The following ASAP2 variants were observed in gnomAD, a reference collection of about 807,000 sequenced individuals.
The protein encoded by ASAP2 is arf-GAP with SH3 domain, ANK repeat and PH domain-containing protein 2.
In ASAP2, 45 loss-of-function variants were observed where a neutral mutation model predicts 131.4. That is an observed-to-expected ratio of 0.34 (90% confidence interval 0.27 to 0.44). The LOEUF is 0.44. ASAP2 is among the 20% of genes least tolerant of loss of function. The pLI is 1.00. For synonymous variants in ASAP2, 510 were observed against 503.0 expected (o/e 1.01, Z -0.19); for missense variants, 1,011 against 1,297.0 (o/e 0.78, Z 3.39).
At chr2:9,271,579 C>G (rs1413237401) in intron 1 of ASAP2, 1 of 1,511,424 alleles carries the variant, frequency 6.6e-7, no homozygotes, top group Non-Finnish European at 9.1e-7. Flanking sequence ...ATCACCCTTA[C>G]TTGCATCAGC....
At chr2:9,270,516 C>T (rs1666267878) in intron 1 of ASAP2, among the ~76,000 whole-genome samples, 1 of 151,966 alleles carries the variant, frequency 6.6e-6, no homozygotes, top group East Asian at 1.9e-4. Context: ...GCATAATAAT[C>T]ACATTAGGGT....
intron 1 of ASAP2, chr2:9,271,649 C>T (rs537373833): frequency 5.0e-4 from 428 of 854,138 alleles, no homozygotes; most frequent in Non-Finnish European, 7.1e-4. Context: ...TTCTTTTTCT[C>T]GGTGGAAATG....
At chr2:9,300,739 G>A (rs1413333665) in intron 3 of ASAP2, among the ~76,000 whole-genome samples, 1 of 152,156 alleles carries the variant, frequency 6.6e-6, no homozygotes, top group Non-Finnish European at 1.5e-5. Context: ...GACAGAGTTG[G>A]GATTCAAACC....
intron 1 of ASAP2, among the ~76,000 whole-genome samples, chr2:9,221,695 G>A (rs1662429214): frequency 6.6e-6 from 1 of 152,106 alleles, no homozygotes; most frequent in Non-Finnish European, 1.5e-5. Context: ...ATAGTTTTGT[G>A]TATTTGTATG....
intron 1 of ASAP2, among the ~76,000 whole-genome samples, chr2:9,255,559 T>G (rs1224732792): frequency 6.6e-6 from 1 of 152,242 alleles, no homozygotes; most frequent in African/African-American, 2.4e-5. Context: ...GTAGCCTCTC[T>G]GGTTCTGTGT....
chr2:9,256,221 T>C (rs1383704211), intron 1 of ASAP2, among the ~76,000 whole-genome samples: 11 of 149,988 alleles, frequency 7.3e-5, no homozygotes, highest in Admixed American at 7.3e-4. Flanking sequence ...ATTCATTTAA[T>C]GAATATTTAT....
rs1474268306 is a variant in ASAP2, at chr2:9,396,996, C to T, written c.2685-3027C>T. ...CAGCCTGGGCAACAGAGCCAGACTC[C>T]GTCTCAAAAAAATAAAAATAAAATA... On this transcript the variant is annotated intron_variant, in intron 24 of 27. Coordinates refer to ENST00000281419, the MANE Select transcript of ASAP2 (RefSeq NM_003887.3). 1.4e-4 allele frequency among the ~76,000 whole-genome samples: 21 copies of T among 152,074 alleles called. No homozygotes were observed. In the East Asian group the frequency reaches 3.5e-3, roughly 25 times the overall value.
At chr2:9,216,268 CA>C (rs1243590268) in intron 1 of ASAP2, among the ~76,000 whole-genome samples, 1 of 149,606 alleles carries the variant, frequency 6.7e-6, no homozygotes, top group Non-Finnish European at 1.5e-5. Flanking sequence ...TGGGTGAAGT[CA>C]ATGTCAGTTC....
chr2:9,374,522 G>T (rs1271950852), intron 16 of ASAP2, among the ~76,000 whole-genome samples: 4 of 152,198 alleles, frequency 2.6e-5, no homozygotes, highest in African/African-American at 9.7e-5. Flanking sequence ...CAGAGAGGCG[G>T]GTGGGCTGAG....
At chr2:9,347,700 G>C (rs1672060310) in intron 11 of ASAP2, among the ~76,000 whole-genome samples, 1 of 152,174 alleles carries the variant, frequency 6.6e-6, no homozygotes, top group African/African-American at 2.4e-5. Flanking sequence ...TCTGGCCCTA[G>C]GAAGAAGTGA....
intron 1 of ASAP2, among the ~76,000 whole-genome samples, chr2:9,215,940 G>GGTCA (rs1661992095): frequency 1.3e-5 from 2 of 152,146 alleles, no homozygotes; most frequent in South Asian, 4.1e-4. Context: ...TGATCCCACA[G>GGTCA]GTCAGTTCAT....
At chr2:9,313,405 T>C (rs975453312) in intron 3 of ASAP2, among the ~76,000 whole-genome samples, 2 of 152,162 alleles carry the variant, frequency 1.3e-5, no homozygotes, top group Non-Finnish European at 2.9e-5. Context: ...TTTTTCCCAC[T>C]CACTCGTGTA....
chr2:9,349,081 G>C (rs1672165975), intron 11 of ASAP2, among the ~76,000 whole-genome samples: 1 of 152,082 alleles, frequency 6.6e-6, no homozygotes, highest in Admixed American at 6.5e-5. Flanking sequence ...TACCTCAAAG[G>C]GCAGTTAGGA....
chr2:9,220,923 G>A (rs1168225766), intron 1 of ASAP2, among the ~76,000 whole-genome samples: 2 of 152,074 alleles, frequency 1.3e-5, no homozygotes, highest in African/African-American at 4.8e-5. Flanking sequence ...TTTTCTTCTT[G>A]AATTCTCTTG....
intron 9 of ASAP2, among the ~76,000 whole-genome samples, chr2:9,340,659 C>T (rs1389995096): frequency 2.0e-5 from 3 of 152,188 alleles, no homozygotes; most frequent in African/African-American, 7.2e-5. Flanking sequence ...CCAAAAATGA[C>T]TCCTCGACAA....
chr2:9,342,979 C>T (rs974810145), intron 9 of ASAP2, among the ~76,000 whole-genome samples: 3 of 152,202 alleles, frequency 2.0e-5, no homozygotes, highest in African/African-American at 7.2e-5. Flanking sequence ...TTCCTGAGTG[C>T]TCTTGTTCTC....
chr2:9,264,676 G>T (rs1233904996), intron 1 of ASAP2, among the ~76,000 whole-genome samples: 1 of 151,996 alleles, frequency 6.6e-6, no homozygotes, highest in East Asian at 1.9e-4. Flanking sequence ...CCTCATCTAG[G>T]TGCGCGCTAT....
chr2:9,222,854 A>G (rs1429800420), intron 1 of ASAP2, among the ~76,000 whole-genome samples: 1 of 151,812 alleles, frequency 6.6e-6, no homozygotes, highest in African/African-American at 2.4e-5. Flanking sequence ...TTCCTTGGGG[A>G]CTGGGATGCT....
At chr2:9,373,409 G>T (rs1050000546) in intron 16 of ASAP2, among the ~76,000 whole-genome samples, 3 of 152,220 alleles carry the variant, frequency 2.0e-5, no homozygotes, top group African/African-American at 7.2e-5. Context: ...CCTGGCAGAC[G>T]CTGGCAAGAG....
Sources: allele counts gnomAD v4.1 joint callset (sites outside exome capture counted in the v4.1 genomes callset), GRCh38; gene constraint gnomAD v4.1.1; transcripts MANE v1.5; gene names NCBI Gene and HGNC (gene_info 2026-07-23, HGNC 2026-07-21).